The following TNFAIP8L1 variants were observed in gnomAD, a reference collection of about 807,000 sequenced individuals.
TNFAIP8L1 encodes the protein tumor necrosis factor alpha-induced protein 8-like protein 1.
For synonymous variants in TNFAIP8L1, 127 were observed against 125.6 expected (o/e 1.01, Z -0.08); for missense variants, 225 against 266.1 (o/e 0.85, Z 1.08).
chr19:4,646,154 G>C (rs1203568486), intron 1 of TNFAIP8L1, among the ~76,000 whole-genome samples: 1 of 152,088 alleles, frequency 6.6e-6, no homozygotes, highest in Non-Finnish European at 1.5e-5. Flanking sequence ...CAGGGGAACA[G>C]TTTTTGCACC....
At chr19:4,651,797 T>C in intron 1 of TNFAIP8L1, 70 bp from the exon 2 acceptor site, 1 of 1,480,762 alleles carries the variant, frequency 6.8e-7, no homozygotes, top group East Asian at 2.3e-5. Flanking sequence ...GGGTCTGTGG[T>C]GTTGTCACCT....
At chr19:4,649,549 G>A (rs936174438) in intron 1 of TNFAIP8L1, among the ~76,000 whole-genome samples, 13 of 152,314 alleles carry the variant, frequency 8.5e-5, no homozygotes, top group African/African-American at 2.9e-4. Context: ...AGGGCGTTAG[G>A]TGGGGAAGGC....
chr19:4,644,281 T>G (rs1056436103), intron 1 of TNFAIP8L1, among the ~76,000 whole-genome samples: 4 of 151,412 alleles, frequency 2.6e-5, no homozygotes, highest in African/African-American at 9.7e-5. Context: ...AGCTCACGCC[T>G]GCAATCCCAG....
chr19:4,652,329 G>A lies in TNFAIP8L1; in HGVS notation c.460G>A (p.Asp154Asn), dbSNP rs1191233095. ...NHVFGHLADC[D>N]FLAALYGPAE... is the part of the protein sequence containing the mutation. ...CGTGTTCGGCCACCTAGCCGACTGC[G>A]ACTTCCTGGCTGCGCTCTACGGCCC... The change falls in exon 2 of 2, where the codon GAC becomes AAC. Residue 154 changes from aspartate to asparagine, a missense_variant. Transcript: ENST00000327473. 3.9e-6 allele frequency: 6 copies of A among 1,555,500 alleles called. No individual in the cohort carries two copies. In the South Asian group the frequency reaches 4.7e-5, roughly 12 times the overall value.
chr19:4,651,945 G>A lies in TNFAIP8L1; in HGVS notation c.76G>A (p.Val26Met), dbSNP rs1211045287. Residue 26 changes from valine (V) to methionine (M), a missense_variant, in exon 2 of 2, where the codon GTG (valine) becomes ATG (methionine). Transcript: ENST00000327473. ...KLLSKMASKA[V>M]VAVLVDDTSS... ...CCTGAGTAAGATGGCGTCCAAGGCA[G>A]TGGTGGCCGTGCTGGTGGATGACAC... The A allele has an allele frequency of 2.5e-6, 4 of 1,613,960 alleles. No individual in the cohort carries two copies. The Admixed American group carries it at 5.0e-5, about 20-fold the overall frequency.
At chr19:4,643,744 G>A (rs1209339396) in intron 1 of TNFAIP8L1, among the ~76,000 whole-genome samples, 1 of 152,056 alleles carries the variant, frequency 6.6e-6, no homozygotes, top group Non-Finnish European at 1.5e-5. Context: ...AGACCAGCCT[G>A]GCCAACATGG....
rs745624256 is a variant in TNFAIP8L1 at position 4,651,756 on chromosome 19, T to C, written c.-3-111T>C. On this transcript the variant is annotated intron_variant, in intron 1 of 1. Transcript: ENST00000327473. ...AGCCACTGCGTCCGGCATGACACTT[T>C]TTAAAGAAACAAATTCCGTTAGGCC... 387 of 1,279,638 alleles carry C rather than the reference T, an allele frequency of 3.0e-4. 4 individuals carry two copies. Among genetic ancestry groups the C allele is most frequent in the Non-Finnish European group, 6.1e-5 (58 of 944,910 alleles). 79.3% of individuals were successfully genotyped at this position (1,279,638 alleles called of 1,614,324 possible).
At chr19:4,640,783 G>A (rs2088253140) in intron 1 of TNFAIP8L1, 3 of 152,296 alleles carry the variant, frequency 2.0e-5, no homozygotes, top group South Asian at 2.1e-4. Context: ...CTGCCACTAC[G>A]GCAGGTCCGA....
chr19:4,643,439 A>C (rs1026374164), intron 1 of TNFAIP8L1, among the ~76,000 whole-genome samples: 5 of 152,212 alleles, frequency 3.3e-5, no homozygotes, highest in Admixed American at 6.5e-5. Flanking sequence ...GTAGCTGATA[A>C]TTCATGTTTG....
Position 4,641,622 on chromosome 19 carries a change from A to C in TNFAIP8L1, c.-4+1993A>C, listed in dbSNP as rs1199302101. The C allele has an allele frequency of 6.6e-6, 1 of 152,100 alleles. No homozygotes were observed. The highest frequency in any genetic ancestry group is 1.5e-5 in the Non-Finnish European group (1 of 68,040). 9.4% of individuals were successfully genotyped at this position (152,100 alleles called of 1,614,324 possible). A position where few individuals can be genotyped will look rare whatever the true frequency, so the allele number is the denominator to read the frequency against. ...CCCCATCTGTCCAATGGGGCTGGTC[A>C]TCTCCTTTTTCTTGTGGGGCTGAGA... On this transcript the variant is annotated intron_variant, in intron 1 of 1. Coordinates refer to ENST00000327473, the MANE Select transcript of TNFAIP8L1 (RefSeq NM_152362.3). The surrounding 1 kb of genome is among the most constrained non-coding windows in gnomAD (Gnocchi z 4.6).
rs3088098 is a variant in TNFAIP8L1 at position 4,655,154 on chromosome 19, A to G, written c.*2724A>G. On this transcript the variant is annotated 3_prime_UTR_variant, in exon 2 of 2. Coordinates refer to ENST00000327473, the MANE Select transcript of TNFAIP8L1 (RefSeq NM_152362.3). ...TGCAGGGGCCGCCCCTCTCCCTTTC[A>G]CCACAGTCCTCTCCACTCCCTTTCG... 0.86 allele frequency: 130,236 copies of G among 152,314 alleles called. 56,271 individuals are homozygous for G. Among genetic ancestry groups the G allele is most frequent in the African/African-American group, 0.96 (40,005 of 41,546 alleles). The allele number at this position is 152,314 out of a possible 1,614,324, so 9.4% of individuals were successfully genotyped here. A position where few individuals can be genotyped will look rare whatever the true frequency, so the allele number is the denominator to read the frequency against.
chr19:4,644,085 G>A (rs1043616270), intron 1 of TNFAIP8L1, among the ~76,000 whole-genome samples: 25 of 151,974 alleles, frequency 1.6e-4, no homozygotes, highest in African/African-American at 1.5e-4. Context: ...ACCGGGCGTG[G>A]TGGCGCATGC....
chr19:4,648,554 A>G (rs2088332884), intron 1 of TNFAIP8L1, among the ~76,000 whole-genome samples: 1 of 152,142 alleles, frequency 6.6e-6, no homozygotes, highest in Admixed American at 6.5e-5. Context: ...CCAGGAAGGG[A>G]GGCCACAGCT....
chr19:4,643,234 A>C, intron 1 of TNFAIP8L1, among the ~76,000 whole-genome samples: 1 of 151,244 alleles, frequency 6.6e-6, no homozygotes, highest in Non-Finnish European at 1.5e-5. Flanking sequence ...AGCCGAGATC[A>C]CGCCGCTGCA....
rs2088396373 is a variant in TNFAIP8L1 at position 4,653,771 on chromosome 19, A to C, written c.*1341A>C. On this transcript the variant is annotated 3_prime_UTR_variant, in exon 2 of 2. Coordinates refer to ENST00000327473, the MANE Select transcript of TNFAIP8L1 (RefSeq NM_152362.3). ...TGGTGACAGAGCGAGACTCGTCTCA[A>C]AAAAAAAAAAAAAAAAAAAAAAAAA... 3.5e-5 allele frequency: 1 copy of C among 28,248 alleles called. No homozygotes were observed. Among genetic ancestry groups the C allele is most frequent in the African/African-American group, 7.0e-4 (1 of 1,438 alleles). 1.7% of individuals were successfully genotyped at this position (28,248 alleles called of 1,614,324 possible).
chr19:4,642,505 A>T (rs1390629939), intron 1 of TNFAIP8L1: 4 of 152,058 alleles, frequency 2.6e-5, no homozygotes, highest in Non-Finnish European at 5.9e-5. Context: ...AAAATTAAAA[A>T]TATACACATA....
chr19:4,643,463 TTC>T (rs1472345354), intron 1 of TNFAIP8L1, among the ~76,000 whole-genome samples: 11 of 152,136 alleles, frequency 7.2e-5, no homozygotes, highest in Admixed American at 7.2e-4. Context: ...CTCGAACCCT[TTC>T]TCCAGTGGAA....
intron 1 of TNFAIP8L1, 163 bp downstream of exon 1, chr19:4,639,792 G>A (rs1394562554): frequency 6.5e-6 from 1 of 152,674 alleles, no homozygotes; most frequent in Non-Finnish European, 1.5e-5. Flanking sequence ...CGCTGTATAG[G>A]TTAGGGGGAG....
chr19:4,652,224 G>T lies in TNFAIP8L1; in HGVS notation c.355G>T (p.Gly119Trp). Reference protein sequence around the residue: ...FTFDRRVLAAGLLECRDLLHQ... With the variant: ...FTFDRRVLAAWLLECRDLLHQ... ...CTTCGACCGGCGCGTGCTGGCCGCC[G>T]GGCTGCTCGAGTGCCGCGACCTGCT... Residue 119 changes from glycine (G) to tryptophan (W), a missense_variant, in exon 2 of 2, where the codon GGG becomes TGG. By Grantham distance (184) the Gly-to-Trp change is radical (BLOSUM62 -2). Coordinates refer to ENST00000327473, the MANE Select transcript of TNFAIP8L1 (RefSeq NM_152362.3). 1.3e-6 allele frequency: 2 copies of T among 1,547,078 alleles called. No individual in the cohort carries two copies. The highest frequency in any genetic ancestry group is 1.7e-6 in the Non-Finnish European group (2 of 1,149,176).
Sources: gnomAD v4.1 joint callset for allele counts (sites outside exome capture counted in the v4.1 genomes callset) on GRCh38, gnomAD v4.1.1 for gene constraint, Gnocchi (gnomAD v3.1) non-coding constraint, MANE v1.5 for transcripts, NCBI Gene and HGNC (gene_info 2026-07-23, HGNC 2026-07-21) for gene names.